SYT16: variants seen among roughly 807,000 people sequenced by gnomAD.
SYT16 encodes the protein synaptotagmin-16.
SYT16 carries 42 observed loss-of-function variants against 61.4 expected under a neutral mutation model. That is an observed-to-expected ratio of 0.68 (90% CI 0.53 to 0.89). The LOEUF (loss-of-function observed/expected upper bound fraction) is 0.89, where lower values mean the gene tolerates loss of function less well. Among genes scored for constraint, SYT16 ranks in the 40% least tolerant of loss-of-function variants. The pLI, the probability that SYT16 is intolerant of heterozygous loss-of-function variation, is 0.00. For synonymous variants in SYT16, 314 were observed against 302.3 expected (o/e 1.04, Z -0.40); for missense variants, 804 against 807.3 (o/e 1.00, Z 0.05).
chr14:61,916,111 AC>A (rs2049111167), intron 1 of SYT16, among the ~76,000 whole-genome samples: 1 of 152,186 alleles, frequency 6.6e-6, no homozygotes, highest in Non-Finnish European at 1.5e-5. Flanking sequence ...TTGCTTAAAT[AC>A]TAAAGATGAC....
At chr14:61,865,117 C>T in intron 1 of SYT16, 1 of 1,326,884 alleles carries the variant, frequency 7.5e-7, no homozygotes, top group Admixed American at 1.7e-5. Flanking sequence ...ACTATGAAGC[C>T]TTCTGTGGCT....
At chr14:61,871,695 T>C (rs1763429571) in intron 1 of SYT16, among the ~76,000 whole-genome samples, 1 of 152,242 alleles carries the variant, frequency 6.6e-6, no homozygotes, top group Non-Finnish European at 1.5e-5. Flanking sequence ...CCTATTACTA[T>C]ATTATGATCA....
chr14:61,988,932 A>C (rs559200027), intron 2 of SYT16, among the ~76,000 whole-genome samples: 16 of 152,236 alleles, frequency 1.1e-4, no homozygotes, highest in Admixed American at 1.0e-3. Context: ...TTTGGAATTC[A>C]ACAAAGGATT....
chr14:61,918,034 G>T (rs2049186159), intron 1 of SYT16, among the ~76,000 whole-genome samples: 2 of 152,166 alleles, frequency 1.3e-5, no homozygotes, highest in African/African-American at 4.8e-5. Flanking sequence ...TGTCCTGTCG[G>T]TATTCAAAGA....
chr14:61,854,729 C>G (rs79938858), intron 1 of SYT16, among the ~76,000 whole-genome samples: 1 of 152,138 alleles, frequency 6.6e-6, no homozygotes, highest in Non-Finnish European at 1.5e-5. Context: ...ACGCATCACT[C>G]GTGGTTATTC....
chr14:61,853,349 G>C lies in SYT16; in HGVS notation c.-325+40539G>C, dbSNP rs539314859. 2.6e-5 allele frequency among the ~76,000 whole-genome samples: 4 copies of C among 152,336 alleles called. No individual in the cohort carries two copies. In the East Asian group the frequency reaches 7.7e-4, roughly 29 times the overall value. On this transcript the variant is annotated intron_variant, in intron 1 of 7. Transcript: ENST00000683842. ...TTCACTATTGCTATATTCAGGGTCA[G>C]TTTTTAATCTGCAATGAGAAACCTA...
chr14:62,053,839 T>C (rs903153304), intron 3 of SYT16, among the ~76,000 whole-genome samples: 1 of 152,210 alleles, frequency 6.6e-6, no homozygotes, highest in Non-Finnish European at 1.5e-5. Context: ...AATTTTTTGT[T>C]CAATGGTGCC....
intron 3 of SYT16, among the ~76,000 whole-genome samples, chr14:62,018,153 G>A (rs2053767075): frequency 6.6e-6 from 1 of 152,014 alleles, no homozygotes; most frequent in Non-Finnish European, 1.5e-5. Flanking sequence ...AGCATTTAGA[G>A]TAAAAGCCAG....
intron 7 of SYT16, among the ~76,000 whole-genome samples, chr14:62,092,139 G>GTT (rs2057098932): frequency 6.7e-6 from 1 of 148,886 alleles, no homozygotes; most frequent in Non-Finnish European, 1.5e-5. Flanking sequence ...ACTACAGTGA[G>GTT]ATACCACCTC....
chr14:61,923,774 A>T (rs1012085100), intron 1 of SYT16, among the ~76,000 whole-genome samples: 3 of 151,850 alleles, frequency 2.0e-5, no homozygotes, highest in South Asian at 2.1e-4. Context: ...TTGGTTTTTT[A>T]AAAAAAAGTT....
At chr14:62,051,595 A>G (rs1245473880) in intron 3 of SYT16, among the ~76,000 whole-genome samples, 1 of 152,210 alleles carries the variant, frequency 6.6e-6, no homozygotes, top group Admixed American at 6.5e-5. Flanking sequence ...AGCTGTTCCT[A>G]TTCGGCCATC....
chr14:62,016,211 A>G (rs1191615730), intron 3 of SYT16, among the ~76,000 whole-genome samples: 1 of 152,216 alleles, frequency 6.6e-6, no homozygotes, highest in South Asian at 2.1e-4. Context: ...ATGATGTTTC[A>G]GTTTCCATGG....
intron 1 of SYT16, among the ~76,000 whole-genome samples, chr14:61,834,079 G>GATAT (rs2046042805): frequency 6.6e-6 from 1 of 151,358 alleles, no homozygotes; most frequent in Admixed American, 6.6e-5. Flanking sequence ...TGTTTTTAGT[G>GATAT]GGAAGGATGC....
chr14:61,944,843 C>G (rs1029783494), intron 1 of SYT16, among the ~76,000 whole-genome samples: 6 of 152,146 alleles, frequency 3.9e-5, no homozygotes, highest in African/African-American at 1.4e-4. Flanking sequence ...GACTTCAAGA[C>G]TAAAACACCA....
intron 1 of SYT16, among the ~76,000 whole-genome samples, chr14:61,813,804 A>C (rs896594984): frequency 7.7e-6 from 1 of 130,496 alleles, no homozygotes; most frequent in African/African-American, 2.8e-5. Flanking sequence ...TTTGGAAGGT[A>C]TTTTTTTTTT....
In SYT16 at chr14:61,944,621, AAAAC is replaced by A. The variant is rs568388988; in HGVS notation, c.-324-25508_-324-25505del. On this transcript the variant is annotated intron_variant, in intron 1 of 7. Coordinates refer to ENST00000683842, the MANE Select transcript of SYT16 (RefSeq NM_001367656.1). Reference sequence around the variant, plus strand: ...CATGTGATCTTTGGCAAACCTGACAAAAACAAGCAATGGGGAAAGGATTCCCTAT... The same window carrying A: ...CATGTGATCTTTGGCAAACCTGACAAAAGCAATGGGGAAAGGATTCCCTAT... 1.7e-3 allele frequency among the ~76,000 whole-genome samples: 260 copies of A among 152,356 alleles called. 1 individual carries two copies. The highest frequency in any genetic ancestry group is 5.8e-3 in the African/African-American group (243 of 41,576).
rs532161218 is a variant in SYT16 at position 62,101,576 on chromosome 14, A to G, written c.*869A>G. The G allele has an allele frequency of 6.6e-6, 1 of 152,286 alleles. No homozygotes were observed. Among genetic ancestry groups the G allele is most frequent in the African/African-American group, 2.4e-5 (1 of 41,568 alleles). 9.4% of individuals were successfully genotyped at this position (152,286 alleles called of 1,614,324 possible). A position where few individuals can be genotyped will look rare whatever the true frequency, so the allele number is the denominator to read the frequency against. The stretch of plus-strand genomic sequence containing the variant: ...TTATCCTTTTTCTATGTTCAATTAT[A>G]TATACTCATATATGAATATTTTGAA... On this transcript the variant is annotated 3_prime_UTR_variant, in exon 8 of 8. Transcript: ENST00000683842.
intron 7 of SYT16, among the ~76,000 whole-genome samples, chr14:62,084,881 T>A (rs1206103743): frequency 6.6e-6 from 1 of 152,214 alleles, no homozygotes; most frequent in African/African-American, 2.4e-5. Flanking sequence ...GGAGTTGTTT[T>A]GGAGTTTAAA....
chr14:61,865,375 G>C (rs1566636844), intron 1 of SYT16: 2 of 640,506 alleles, frequency 3.1e-6, no homozygotes, highest in Non-Finnish European at 2.9e-6. Flanking sequence ...ACAAGAAGGG[G>C]CTGCTCTCCT....
Sources: allele counts gnomAD v4.1 joint callset (sites outside exome capture counted in the v4.1 genomes callset), GRCh38; gene constraint gnomAD v4.1.1; transcripts MANE v1.5; gene names NCBI Gene and HGNC (gene_info 2026-07-23, HGNC 2026-07-21).